CHST11: variants seen among roughly 807,000 people sequenced by gnomAD.
CHST11 encodes carbohydrate sulfotransferase 11.
A neutral mutation model predicts 30.4 loss-of-function variants in CHST11; 9 were observed. The ratio of observed to expected loss-of-function variants is 0.30; its 90% CI spans 0.18 to 0.52. The LOEUF (loss-of-function observed/expected upper bound fraction) is 0.52, where lower values mean the gene tolerates loss of function less well. CHST11 is among the 20% of genes least tolerant of loss of function. The pLI, the probability that CHST11 is intolerant of heterozygous loss-of-function variation, is 0.97. For missense variants in CHST11, 348 were observed against 460.6 expected, an observed-to-expected ratio of 0.76 and a Z score of 2.24; for synonymous variants, 152 against 187.8, an observed-to-expected ratio of 0.81 and a Z score of 1.56.
At chr12:104,681,715 A>G (rs1342942772) in intron 2 of CHST11, among the ~76,000 whole-genome samples, 1 of 152,008 alleles carries the variant, frequency 6.6e-6, no homozygotes. Context: ...CAGGTGTGGT[A>G]GCATGCACCC....
intron 1 of CHST11, among the ~76,000 whole-genome samples, chr12:104,536,151 C>T (rs777470024): frequency 1.3e-5 from 2 of 152,136 alleles, no homozygotes; most frequent in African/African-American, 2.4e-5. Flanking sequence ...AAATGATGGA[C>T]TGGGAAAGTA....
intron 1 of CHST11, among the ~76,000 whole-genome samples, chr12:104,518,063 G>A (rs551399841): frequency 3.9e-5 from 6 of 152,174 alleles, no homozygotes; most frequent in Admixed American, 3.3e-4. Context: ...AAGCTGAGGT[G>A]GGAGCTTGGC....
At chr12:104,742,408 A>T (rs1353197009) in intron 2 of CHST11, among the ~76,000 whole-genome samples, 1 of 152,062 alleles carries the variant, frequency 6.6e-6, no homozygotes, top group Non-Finnish European at 1.5e-5. Flanking sequence ...GGGACTGCTC[A>T]GTGGACCCAT....
chr12:104,567,195 A>G lies in CHST11; in HGVS notation c.119-34711A>G, dbSNP rs920658155. On this transcript the variant is annotated intron_variant, in intron 1 of 2. Transcript: ENST00000303694. ...GTTTGAGCTGCAGGAATATTTGGGAAAATGAGCTGCATGTGTCAGATGGGC... is the reference window on the plus strand; with the variant it reads ...GTTTGAGCTGCAGGAATATTTGGGAGAATGAGCTGCATGTGTCAGATGGGC... 1.4e-4 allele frequency among the ~76,000 whole-genome samples: 21 copies of G among 152,304 alleles called. No homozygotes were observed. The Middle Eastern group carries it at 0.01, about 74-fold the overall frequency.
rs778434078 is a variant in CHST11 at position 104,635,198 on chromosome 12, C to T, written c.204+33207C>T. On this transcript the variant is annotated intron_variant, in intron 2 of 2. Coordinates refer to ENST00000303694, the MANE Select transcript of CHST11 (RefSeq NM_018413.6). The stretch of plus-strand genomic sequence containing the variant: ...CCCCAGGTAACCCACGAGGGGCCTC[C>T]GCACACCCTCACATCACCTCCCCAC... 3.9e-5 allele frequency among the ~76,000 whole-genome samples: 6 copies of T among 152,256 alleles called. No homozygotes were observed. In the East Asian group the frequency reaches 1.2e-3, roughly 29 times the overall value.
intron 1 of CHST11, among the ~76,000 whole-genome samples, chr12:104,579,999 A>G (rs1431260979): frequency 6.6e-6 from 1 of 152,212 alleles, no homozygotes; most frequent in Admixed American, 6.5e-5. Context: ...ACTGTGGACA[A>G]TGATCACATA....
chr12:104,731,537 G>A lies in CHST11; in HGVS notation c.205-25412G>A, dbSNP rs546941550. On this transcript the variant is annotated intron_variant, in intron 2 of 2. Transcript: ENST00000303694. ...CCTGGTATCCCTGTTCTGAAAATGG[G>A]CTCGAGGGCTGTGGCTCTAAGGCCA... Among the ~76,000 whole-genome samples, 22 of 152,268 alleles carry A rather than the reference G, an allele frequency of 1.4e-4. 1 individual carries two copies. The South Asian group carries it at 4.1e-3, about 29-fold the overall frequency.
At chr12:104,748,671 C>T (rs1160532626) in intron 2 of CHST11, among the ~76,000 whole-genome samples, 1 of 152,124 alleles carries the variant, frequency 6.6e-6, no homozygotes, top group Non-Finnish European at 1.5e-5. Context: ...CAGGGAACAC[C>T]AGCCCCACCC....
At chr12:104,585,912 A>G (rs768730468) in intron 1 of CHST11, among the ~76,000 whole-genome samples, 21 of 150,652 alleles carry the variant, frequency 1.4e-4, no homozygotes, top group Non-Finnish European at 2.8e-4. Context: ...TCTGTCTTCC[A>G]TGGCCCTCTT....
At chr12:104,706,466 A>G (rs1339345597) in intron 2 of CHST11, among the ~76,000 whole-genome samples, 1 of 150,498 alleles carries the variant, frequency 6.6e-6, no homozygotes, top group Non-Finnish European at 1.5e-5. Flanking sequence ...GGAGAGGGAG[A>G]GAGAGAGAGA....
intron 1 of CHST11, among the ~76,000 whole-genome samples, chr12:104,571,158 C>A (rs1428778301): frequency 1.6e-5 from 2 of 128,492 alleles, no homozygotes; most frequent in African/African-American, 5.9e-5. Context: ...CTTTGGAGGA[C>A]AGACAATTTT....
intron 2 of CHST11, among the ~76,000 whole-genome samples, chr12:104,603,479 C>T (rs1263367535): frequency 6.6e-6 from 1 of 152,210 alleles, no homozygotes; most frequent in Non-Finnish European, 1.5e-5. Context: ...CTGTTGGCTC[C>T]TCAGTACCTA....
chr12:104,502,491 T>C (rs1297508720), intron 1 of CHST11, among the ~76,000 whole-genome samples: 1 of 152,200 alleles, frequency 6.6e-6, no homozygotes, highest in Non-Finnish European at 1.5e-5. Context: ...CTCAGATTGC[T>C]AGTAATTTAA....
chr12:104,747,984 TA>T (rs1402177833), intron 2 of CHST11, among the ~76,000 whole-genome samples: 2 of 152,252 alleles, frequency 1.3e-5, no homozygotes, highest in African/African-American at 4.8e-5. Context: ...ATTTGTTACT[TA>T]AACTAATTAT....
At chr12:104,691,578 C>G (rs2039897110) in intron 2 of CHST11, among the ~76,000 whole-genome samples, 1 of 148,106 alleles carries the variant, frequency 6.8e-6, no homozygotes, top group Non-Finnish European at 1.5e-5. Context: ...ACCTCCAACT[C>G]CCTGGTTCAA....
intron 2 of CHST11, among the ~76,000 whole-genome samples, chr12:104,691,541 G>A (rs944035897): frequency 3.3e-5 from 5 of 150,336 alleles, no homozygotes; most frequent in African/African-American, 4.9e-5. Flanking sequence ...AGGCTGGAGT[G>A]CAGTGGTGTG....
intron 1 of CHST11, among the ~76,000 whole-genome samples, chr12:104,519,564 C>T (rs1017262478): frequency 2.0e-5 from 3 of 152,110 alleles, no homozygotes; most frequent in Non-Finnish European, 4.4e-5. Flanking sequence ...GTGAGATGAA[C>T]GCCTTTCTCT....
intron 2 of CHST11, among the ~76,000 whole-genome samples, chr12:104,611,947 G>C (rs542972520): frequency 2.0e-5 from 3 of 152,328 alleles, no homozygotes; most frequent in Non-Finnish European, 4.4e-5. Flanking sequence ...AGCAAGTCAC[G>C]GGACTAGGAA....
At chr12:104,518,672 A>C (rs972760904) in intron 1 of CHST11, among the ~76,000 whole-genome samples, 2 of 152,228 alleles carry the variant, frequency 1.3e-5, no homozygotes, top group African/African-American at 2.4e-5. Flanking sequence ...TCAGGTAATG[A>C]GACAGGATTT....
Sources: allele counts gnomAD v4.1 joint callset (sites outside exome capture counted in the v4.1 genomes callset), GRCh38; gene constraint gnomAD v4.1.1; transcripts MANE v1.5; gene names NCBI Gene and HGNC (gene_info 2026-07-23, HGNC 2026-07-21).